Variants in ZNF365 observed in about 807,000 individuals in gnomAD.
ZNF365 encodes zinc finger protein 365.
In ZNF365, 22 loss-of-function variants were observed where a neutral mutation model predicts 35.0. That is an observed-to-expected ratio of 0.63 (90% CI 0.45 to 0.90). The LOEUF (loss-of-function observed/expected upper bound fraction) is 0.90. Ranked by LOEUF, ZNF365 falls within the 40% of genes least tolerant of loss-of-function variation. ZNF365 has a pLI of 0.00. For synonymous variants in ZNF365, 188 were observed against 196.2 expected (o/e 0.96, Z 0.35); for missense variants, 448 against 500.3 (o/e 0.90, Z 1.00).
chr10:62,436,842 C>A (rs967171879), intron 3 of ZNF365, among the ~76,000 whole-genome samples: 1 of 152,142 alleles, frequency 6.6e-6, no homozygotes. Context: ...TATGATAGTA[C>A]TGTTTATATC....
At chr10:62,434,465 C>T (rs1344374946) in intron 3 of ZNF365, among the ~76,000 whole-genome samples, 1 of 152,138 alleles carries the variant, frequency 6.6e-6, no homozygotes, top group South Asian at 2.1e-4. Flanking sequence ...GATACTTCCT[C>T]TTAGGAAGGG....
At chr10:62,422,571 G>T (rs566293201) in intron 3 of ZNF365, among the ~76,000 whole-genome samples, 1 of 152,198 alleles carries the variant, frequency 6.6e-6, no homozygotes, top group Non-Finnish European at 1.5e-5. Context: ...TAGAGGTGCT[G>T]TACAAATGGA....
chr10:62,382,354 G>A (rs968281116), intron 2 of ZNF365, among the ~76,000 whole-genome samples: 1 of 152,172 alleles, frequency 6.6e-6, no homozygotes, highest in Admixed American at 6.5e-5. Context: ...CACATTGTTG[G>A]TTCGTGCATA....
At position 62,391,846 on chromosome 10, in the gene ZNF365, A is replaced by G. The variant is rs542458703; in HGVS notation, c.924+3270A>G. On this transcript the variant is annotated intron_variant, in intron 3 of 4. Transcript: ENST00000395254. ...CCACACTGTTTTCCATAGTGGTTGT[A>G]CTAGTTTACATTCCCACCAGCTGTA... Among the ~76,000 whole-genome samples, 3 of 152,322 alleles carry G rather than the reference A, an allele frequency of 2.0e-5. No individual in the cohort carries two copies. In the East Asian group the frequency reaches 5.8e-4, roughly 29 times the overall value.
At chr10:62,394,908 A>G (rs1839697387) in intron 3 of ZNF365, among the ~76,000 whole-genome samples, 4 of 152,206 alleles carry the variant, frequency 2.6e-5, no homozygotes, top group Non-Finnish European at 5.9e-5. Context: ...GAGGATCTAC[A>G]CTGCTTTTGT....
chr10:62,466,808 T>A (rs1347354324), intron 4 of ZNF365, among the ~76,000 whole-genome samples: 1 of 152,078 alleles, frequency 6.6e-6, no homozygotes, highest in Non-Finnish European at 1.5e-5. Flanking sequence ...GCTGAGACTG[T>A]TTTTATTTTT....
At chr10:62,418,027 T>G (rs1840101967) in intron 3 of ZNF365, among the ~76,000 whole-genome samples, 1 of 151,936 alleles carries the variant, frequency 6.6e-6, no homozygotes, top group East Asian at 1.9e-4. Context: ...ATTTTCATTT[T>G]GGACATAATA....
intron 3 of ZNF365, among the ~76,000 whole-genome samples, chr10:62,458,467 AACAC>A (rs3999114): frequency 0.01 from 1,497 of 148,362 alleles, 21 homozygotes; most frequent in African/African-American, 0.035. Flanking sequence ...CACCATCTTG[AACAC>A]ACACACACAC....
intron 3 of ZNF365, among the ~76,000 whole-genome samples, chr10:62,425,150 G>C (rs1376544259): frequency 6.6e-6 from 1 of 152,038 alleles, no homozygotes; most frequent in Non-Finnish European, 1.5e-5. Flanking sequence ...CATTTTAAAT[G>C]TTACGTTTAA....
chr10:62,436,180 C>A (rs148104584), intron 3 of ZNF365, among the ~76,000 whole-genome samples: 2 of 152,092 alleles, frequency 1.3e-5, no homozygotes, highest in African/African-American at 4.8e-5. Context: ...ATAAAAGATA[C>A]TATAATTAGC....
chr10:62,461,802 A>C (rs2132481714), intron 4 of ZNF365, among the ~76,000 whole-genome samples: 1 of 152,308 alleles, frequency 6.6e-6, no homozygotes, highest in East Asian at 1.9e-4. Context: ...AAAATCTTAC[A>C]AAAAAATTAA....
At chr10:62,467,181 G>T (rs1840958331) in intron 4 of ZNF365, among the ~76,000 whole-genome samples, 1 of 152,178 alleles carries the variant, frequency 6.6e-6, no homozygotes. Context: ...AATCCAAAGA[G>T]ATATTAGATG....
chr10:62,456,272 AT>A (rs1377554450), intron 3 of ZNF365, among the ~76,000 whole-genome samples: 2 of 152,172 alleles, frequency 1.3e-5, no homozygotes, highest in African/African-American at 4.8e-5. Flanking sequence ...CCTTGGTCAT[AT>A]TCTCTGTCCC....
At chr10:62,471,365 C>CAAAA (rs768258691) in intron 4 of ZNF365, among the ~76,000 whole-genome samples, 16 of 81,120 alleles carry the variant, frequency 2.0e-4, no homozygotes, top group African/African-American at 5.8e-4. Flanking sequence ...GACTCTGTCT[C>CAAAA]AAAAAAAAAA....
intron 3 of ZNF365, among the ~76,000 whole-genome samples, chr10:62,455,137 G>A (rs144232997): frequency 4.7e-4 from 72 of 152,262 alleles, no homozygotes; most frequent in African/African-American, 1.7e-3. Flanking sequence ...ACAGAAAAAC[G>A]CTGACAGGTT....
intron 3 of ZNF365, among the ~76,000 whole-genome samples, chr10:62,445,154 T>G (rs1398514992): frequency 6.6e-6 from 1 of 151,188 alleles, no homozygotes; most frequent in Non-Finnish European, 1.5e-5. Flanking sequence ...ATGTGCCACA[T>G]TTTCTTAATC....
At chr10:62,407,633 T>C (rs749808127) in intron 3 of ZNF365, among the ~76,000 whole-genome samples, 3 of 152,146 alleles carry the variant, frequency 2.0e-5, no homozygotes, top group Non-Finnish European at 2.9e-5. Context: ...ATTGTTAAAG[T>C]CTTTCTCTGC....
intron 3 of ZNF365, among the ~76,000 whole-genome samples, chr10:62,456,689 C>T (rs1252047287): frequency 1.3e-5 from 2 of 152,226 alleles, no homozygotes; most frequent in Non-Finnish European, 2.9e-5. Context: ...CACACTTCAT[C>T]TTCAAGTTCT....
intron 4 of ZNF365, among the ~76,000 whole-genome samples, chr10:62,476,336 G>T (rs1239640506): frequency 6.6e-6 from 1 of 152,162 alleles, no homozygotes; most frequent in African/African-American, 2.4e-5. Flanking sequence ...GGAAAAGTGT[G>T]CCACAGTTGG....
Sources: gnomAD v4.1 joint callset for allele counts (sites outside exome capture counted in the v4.1 genomes callset) on GRCh38, gnomAD v4.1.1 for gene constraint, MANE v1.5 for transcripts, NCBI Gene and HGNC (gene_info 2026-07-23, HGNC 2026-07-21) for gene names.